SASH1: variants seen among roughly 807,000 people sequenced by gnomAD.
The protein encoded by SASH1 is SAM and SH3 domain containing 1.
SASH1 carries 44 observed loss-of-function variants against 125.2 expected under a neutral mutation model. The observed-to-expected ratio is 0.35, with a 90% CI of 0.28 to 0.45. The LOEUF (loss-of-function observed/expected upper bound fraction) is 0.45. Ranked by LOEUF, SASH1 falls within the 20% of genes least tolerant of loss-of-function variation. SASH1 has a pLI of 1.00. For missense variants in SASH1, 1,426 were observed against 1,614.5 expected (o/e 0.88, Z 2.00); for synonymous variants, 639 against 649.1 (o/e 0.98, Z 0.24).
At chr6:148,507,464 G>A (rs1169798276) in intron 8 of SASH1, among the ~76,000 whole-genome samples, 4 of 151,990 alleles carry the variant, frequency 2.6e-5, no homozygotes, top group South Asian at 2.1e-4. Flanking sequence ...TCTGCCTCCC[G>A]GACTCAATTT....
intron 2 of SASH1, among the ~76,000 whole-genome samples, chr6:148,422,911 T>C (rs1389256715): frequency 6.6e-6 from 1 of 152,178 alleles, no homozygotes; most frequent in Non-Finnish European, 1.5e-5. Context: ...TAATATGATA[T>C]CTATCCGTGT....
chr6:148,431,008 G>C (rs1013396245), intron 2 of SASH1, among the ~76,000 whole-genome samples: 1 of 152,198 alleles, frequency 6.6e-6, no homozygotes, highest in Non-Finnish European at 1.5e-5. Flanking sequence ...CTACAGCAGG[G>C]AGCAGAACTG....
At chr6:148,393,699 G>A (rs974956729) in intron 2 of SASH1, 2 of 985,006 alleles carry the variant, frequency 2.0e-6, no homozygotes, top group East Asian at 1.1e-4. Context: ...TTCCAAAACC[G>A]CAGAAGACAG....
At chr6:148,199,136 C>T in the SASH1 span, among the ~76,000 whole-genome samples, 28 of 152,294 alleles carry the variant, frequency 1.8e-4, no homozygotes, top group Middle Eastern at 3.4e-3. Context: ...AATCCCAGCA[C>T]TTTGAGAGGC....
At chr6:148,540,388 G>A (rs1782142229) in intron 16 of SASH1, 55 bp from the exon 17 acceptor site, 11 of 1,418,062 alleles carry the variant, frequency 7.8e-6, no homozygotes, top group Non-Finnish European at 9.9e-7. Context: ...TGTTGACTCT[G>A]AAACCTCTGC....
At chr6:148,313,464 G>A (rs564918732) in intron 1 of SASH1, among the ~76,000 whole-genome samples, 1 of 152,262 alleles carries the variant, frequency 6.6e-6, no homozygotes, top group African/African-American at 2.4e-5. Context: ...ATGTTCTTCT[G>A]GGTAGAAAAT....
intron 8 of SASH1, among the ~76,000 whole-genome samples, chr6:148,501,488 T>C (rs963927700): frequency 1.3e-5 from 2 of 152,202 alleles, no homozygotes; most frequent in African/African-American, 4.8e-5. Flanking sequence ...GTTTGGTGTT[T>C]TGCTTTAGTC....
intron 1 of SASH1, among the ~76,000 whole-genome samples, chr6:148,311,835 C>T (rs1780340647): frequency 6.6e-6 from 1 of 152,060 alleles, no homozygotes; most frequent in Non-Finnish European, 1.5e-5. Flanking sequence ...AAAATAAAAC[C>T]TTTCCTTGAA....
chr6:148,271,003 G>T (rs1450962748), upstream of SASH1, among the ~76,000 whole-genome samples: 1 of 150,086 alleles, frequency 6.7e-6, no homozygotes, highest in Admixed American at 6.7e-5. Context: ...TCCGCCTCTT[G>T]GGTTCAAGTG....
At position 148,448,620 on chromosome 6, in the gene SASH1, C is replaced by T. The variant is rs1776923595; in HGVS notation, c.386+8213C>T. On this transcript the variant is annotated intron_variant, in intron 4 of 19. Transcript: ENST00000367467. ...TGCCCACCCCTTCCTGTGAGTGCAC[C>T]CCAGGCTTTTTACCCAGCCTGTGAG... Among the ~76,000 whole-genome samples the T allele has an allele frequency of 2.6e-5, 4 of 152,064 alleles. No homozygotes were observed. The South Asian group carries it at 8.3e-4, about 32-fold the overall frequency.
chr6:148,211,299 G>A, the SASH1 span, among the ~76,000 whole-genome samples: 12 of 152,260 alleles, frequency 7.9e-5, no homozygotes, highest in East Asian at 1.2e-3. Flanking sequence ...GGCTGGGCAC[G>A]GTGGCTCATG....
intron 2 of SASH1, among the ~76,000 whole-genome samples, chr6:148,392,347 C>T (rs185440167): frequency 3.3e-5 from 5 of 151,844 alleles, no homozygotes; most frequent in African/African-American, 1.2e-4. Context: ...ATTTATCCTC[C>T]TCCCACCTCC....
intron 2 of SASH1, among the ~76,000 whole-genome samples, chr6:148,414,559 A>T (rs1163824979): frequency 6.6e-6 from 1 of 152,216 alleles, no homozygotes; most frequent in South Asian, 2.1e-4. Context: ...TATCCAACAC[A>T]TACTTATTGA....
intron 1 of SASH1, among the ~76,000 whole-genome samples, chr6:148,334,813 G>A (rs62433976): frequency 7.1e-6 from 1 of 139,988 alleles, no homozygotes; most frequent in Non-Finnish European, 1.6e-5. Flanking sequence ...CTCCATCTCA[G>A]GGAAAAAAAA....
chr6:148,271,489 A>G (rs1246380498), upstream of SASH1, among the ~76,000 whole-genome samples: 1 of 152,174 alleles, frequency 6.6e-6, no homozygotes, highest in Admixed American at 6.5e-5. Context: ...GGGAAGTGCC[A>G]TGCACATTAA....
chr6:148,417,606 T>TAAATAAATAAATAAATAAAA (rs1784880981), intron 2 of SASH1, among the ~76,000 whole-genome samples: 2 of 151,510 alleles, frequency 1.3e-5, no homozygotes, highest in African/African-American at 2.4e-5. Context: ...AATAAATAAA[T>TAAATAAATAAATAAATAAAA]AAAAGAGCAT....
At chr6:148,510,447 ATGTG>A (rs1353928077) in intron 8 of SASH1, among the ~76,000 whole-genome samples, 3 of 152,274 alleles carry the variant, frequency 2.0e-5, no homozygotes, top group South Asian at 4.1e-4. Flanking sequence ...TCATGTTTGA[ATGTG>A]TGTGAATATA....
chr6:148,290,415 G>T (rs1438007385), intron 1 of SASH1, among the ~76,000 whole-genome samples: 1 of 151,152 alleles, frequency 6.6e-6, no homozygotes, highest in East Asian at 2.0e-4. Context: ...GACCATCCTG[G>T]CTAACAGAGT....
intron 1 of SASH1, among the ~76,000 whole-genome samples, chr6:148,308,333 G>T (rs995699750): frequency 3.3e-5 from 5 of 150,534 alleles, no homozygotes; most frequent in African/African-American, 1.2e-4. Flanking sequence ...AACTTGCTCT[G>T]TAATGGGTCC....
Sources: allele counts gnomAD v4.1 joint callset (sites outside exome capture counted in the v4.1 genomes callset), GRCh38; gene constraint gnomAD v4.1.1; transcripts MANE v1.5; gene names NCBI Gene and HGNC (gene_info 2026-07-23, HGNC 2026-07-21).